Variants in MMP20 observed in about 807,000 individuals in gnomAD.
MMP20 encodes the protein matrix metallopeptidase 20, also known as matrix metalloproteinase-20.
A neutral mutation model predicts 51.8 loss-of-function variants in MMP20; 50 were observed. That is an observed-to-expected ratio of 0.97 (90% confidence interval 0.77 to 1.22). The LOEUF (loss-of-function observed/expected upper bound fraction) is 1.22, where lower values mean the gene tolerates loss of function less well. Ranked by LOEUF, MMP20 falls within the 50% of genes most tolerant of loss-of-function variation. The pLI, the probability that MMP20 is intolerant of heterozygous loss-of-function variation, is 0.00. For missense variants in MMP20, 663 were observed against 601.4 expected (o/e 1.10, Z -1.07); for synonymous variants, 244 against 216.2 (o/e 1.13, Z -1.13).
At chr11:102,585,716 A>G (rs1331801841) in intron 8 of MMP20, among the ~76,000 whole-genome samples, 5 of 152,134 alleles carry the variant, frequency 3.3e-5, no homozygotes, top group Admixed American at 1.3e-4. Flanking sequence ...TTCACCACTG[A>G]CTATGCCATC....
intron 6 of MMP20, among the ~76,000 whole-genome samples, chr11:102,600,375 T>C (rs1035986583): frequency 6.6e-5 from 10 of 152,260 alleles, no homozygotes; most frequent in African/African-American, 2.4e-4. Flanking sequence ...AATCCTGTCT[T>C]GGCCCTGCTG....
intron 5 of MMP20, chr11:102,607,311 T>C (rs1006777649): frequency 1.9e-5 from 3 of 160,356 alleles, no homozygotes; most frequent in African/African-American, 7.2e-5. Flanking sequence ...ACCCAAATCT[T>C]GCGAGAGCTA....
rs2064813185 is a variant in MMP20, at chr11:102,606,451, G to A, written c.953+84C>T. ...CATTTCTGCATGATCTTCATACAAG[G>A]CAGCAACAAGGACCTGTGGGACGAC... On this transcript the variant is annotated intron_variant, in intron 6 of 9. Transcript: ENST00000260228. 3.2e-6 allele frequency: 5 copies of A among 1,545,256 alleles called. No individual in the cohort carries two copies. The South Asian group carries it at 5.7e-5, about 18-fold the overall frequency.
At chr11:102,619,544 A>C (rs1030919971) in intron 1 of MMP20, among the ~76,000 whole-genome samples, 17 of 150,784 alleles carry the variant, frequency 1.1e-4, no homozygotes, top group African/African-American at 4.1e-4. Context: ...TAATCAAGAT[A>C]AATCATAATT....
At chr11:102,589,414 G>A (rs1859290636) in intron 8 of MMP20, among the ~76,000 whole-genome samples, 2 of 152,072 alleles carry the variant, frequency 1.3e-5, no homozygotes, top group South Asian at 4.1e-4. Flanking sequence ...GAGCACTTTT[G>A]GCACTTGGAT....
chr11:102,612,032 T>C (rs1350855701), intron 2 of MMP20, 129 bp from the exon 3 acceptor site: 2 of 880,686 alleles, frequency 2.3e-6, no homozygotes, highest in East Asian at 5.3e-5. Flanking sequence ...TAATAATTCT[T>C]ATTTTGCTTT....
intron 6 of MMP20, among the ~76,000 whole-genome samples, chr11:102,595,422 A>T (rs1303069074): frequency 6.6e-6 from 1 of 152,214 alleles, no homozygotes; most frequent in Non-Finnish European, 1.5e-5. Context: ...CCCCCATTCC[A>T]AATATCACTT....
chr11:102,606,655 C>G lies in MMP20; in HGVS notation c.833G>C (p.Gly278Ala). ...GGGGGCATGGGGCAGAGTGGGCTTC[C>G]CCAGGAATACTTTCCGAGGTCCTAG... ...ALYGPRKVFL[G>A]KPTLPHAPHH... The change falls in exon 6 of 10, where the codon GGG becomes GCG. Residue 278 changes from glycine to alanine, a missense_variant. Physicochemically the swap from Gly to Ala is moderately conservative, Grantham distance 60 (BLOSUM62 0). Transcript: ENST00000260228. 6.2e-7 allele frequency: 1 copy of G among 1,614,052 alleles called. No homozygotes were observed. Among genetic ancestry groups the G allele is most frequent in the Non-Finnish European group, 8.5e-7 (1 of 1,179,966 alleles).
At position 102,609,979 on chromosome 11, in the gene MMP20, G is replaced by T; in HGVS notation, c.575C>A (p.Ala192Glu). 1 of 1,614,118 alleles carries T rather than the reference G, an allele frequency of 6.2e-7. No individual in the cohort carries two copies. Among genetic ancestry groups the T allele is most frequent in the Non-Finnish European group, 8.5e-7 (1 of 1,180,022 alleles). Reference sequence around the variant, plus strand: ...TCCCAGGCCTTCTCCAGGAGCAAATGCATGGGCTAGAGTCCCCCGAGGCCC... The same window carrying T: ...TCCCAGGCCTTCTCCAGGAGCAAATTCATGGGCTAGAGTCCCCCGAGGCCC... Reference protein sequence around the residue: ...FDGPRGTLAHAFAPGEGLGGD... With the variant: ...FDGPRGTLAHEFAPGEGLGGD... Residue 192 changes from alanine (A) to glutamate (E), a missense_variant, in exon 4 of 10, where the codon GCA (alanine) becomes GAA (glutamate). Transcript: ENST00000260228.
At chr11:102,623,762 G>A (rs562187346) in intron 1 of MMP20, among the ~76,000 whole-genome samples, 1 of 152,164 alleles carries the variant, frequency 6.6e-6, no homozygotes, top group African/African-American at 2.4e-5. Flanking sequence ...TTAGAAGGGG[G>A]GTCTCCCAAC....
chr11:102,589,981 G>A (rs1371268125), intron 8 of MMP20, among the ~76,000 whole-genome samples: 2 of 152,164 alleles, frequency 1.3e-5, no homozygotes, highest in Non-Finnish European at 2.9e-5. Context: ...GATGCCCCGA[G>A]TCTGACTGTA....
chr11:102,584,818 G>A (rs1366345915), intron 8 of MMP20, among the ~76,000 whole-genome samples: 2 of 152,082 alleles, frequency 1.3e-5, no homozygotes, highest in Non-Finnish European at 2.9e-5. Flanking sequence ...AGAGGTTGGG[G>A]TCTAAGTCCA....
chr11:102,594,317 C>T (rs1214142483), intron 7 of MMP20, among the ~76,000 whole-genome samples: 1 of 152,234 alleles, frequency 6.6e-6, no homozygotes. Context: ...AGAGTATACA[C>T]TGTCACTCTG....
intron 6 of MMP20, among the ~76,000 whole-genome samples, chr11:102,605,820 C>A (rs1031179401): frequency 6.6e-6 from 1 of 152,134 alleles, no homozygotes; most frequent in Non-Finnish European, 1.5e-5. Flanking sequence ...GTGAATGTTG[C>A]TATGTTTCTC....
rs371789562 is a variant in MMP20 at position 102,616,772 on chromosome 11, G to A, written c.374+40C>T. 1.9e-6 allele frequency: 3 copies of A among 1,610,408 alleles called. No individual in the cohort carries two copies. In the African/African-American group the frequency reaches 4.0e-5, roughly 21 times the overall value. On this transcript the variant is annotated intron_variant, in intron 2 of 9. Coordinates refer to ENST00000260228, the MANE Select transcript of MMP20 (RefSeq NM_004771.4). ...CAAGAAAAGGGAAAAAGAGAGAGGTGGTGTTTTTCTCTGAATTTGGAAAGA... is the reference window on the plus strand; with the variant it reads ...CAAGAAAAGGGAAAAAGAGAGAGGTAGTGTTTTTCTCTGAATTTGGAAAGA...
chr11:102,624,900 C>A (rs1010045945), intron 1 of MMP20, among the ~76,000 whole-genome samples: 3 of 152,118 alleles, frequency 2.0e-5, no homozygotes, highest in Admixed American at 1.3e-4. Context: ...CCGGGAAGTA[C>A]TTGTTTGCTC....
intron 4 of MMP20, 36 bp downstream of exon 4, chr11:102,609,869 A>G (rs376424337): frequency 6.2e-6 from 10 of 1,613,774 alleles, no homozygotes; most frequent in Middle Eastern, 1.6e-4. Context: ...AGAAGGTACA[A>G]TATTTTCCAG....
chr11:102,579,811 A>C (rs1176464110), intron 8 of MMP20, among the ~76,000 whole-genome samples: 4 of 151,820 alleles, frequency 2.6e-5, no homozygotes, highest in South Asian at 2.1e-4. Flanking sequence ...AACTCAAAAA[A>C]AACTTGCCAT....
At chr11:102,623,187 C>G (rs769768473) in intron 1 of MMP20, among the ~76,000 whole-genome samples, 3 of 152,206 alleles carry the variant, frequency 2.0e-5, no homozygotes, top group Non-Finnish European at 2.9e-5. Flanking sequence ...GCTACTGTTT[C>G]TAAACGTGCC....
Sources: gnomAD v4.1 joint callset for allele counts (sites outside exome capture counted in the v4.1 genomes callset) on GRCh38, gnomAD v4.1.1 for gene constraint, MANE v1.5 for transcripts, NCBI Gene and HGNC (gene_info 2026-07-23, HGNC 2026-07-21) for gene names.